The following OTUD7B variants were observed in gnomAD, a reference collection of about 807,000 sequenced individuals.
The protein encoded by OTUD7B is OTU domain-containing protein 7B.
A neutral mutation model predicts 82.2 loss-of-function variants in OTUD7B; 34 were observed. The observed-to-expected ratio is 0.41, with a 90% confidence interval of 0.31 to 0.55. The LOEUF (loss-of-function observed/expected upper bound fraction) is 0.55, where lower values mean the gene tolerates loss of function less well. Ranked by LOEUF, OTUD7B falls within the 20% of genes least tolerant of loss-of-function variation. The pLI is 0.20. For missense variants in OTUD7B, 944 were observed against 1,062.1 expected (o/e 0.89, Z 1.55); for synonymous variants, 398 against 402.7 (o/e 0.99, Z 0.14).
the OTUD7B span, among the ~76,000 whole-genome samples, chr1:150,029,650 T>G: frequency 6.6e-6 from 1 of 152,116 alleles, no homozygotes; most frequent in African/African-American, 2.4e-5. Context: ...GAGTCCACAG[T>G]CTCCAGGACA....
intron 7 of OTUD7B, among the ~76,000 whole-genome samples, chr1:149,953,015 G>C (rs1229171256): frequency 6.6e-6 from 1 of 152,094 alleles, no homozygotes; most frequent in Admixed American, 6.5e-5. Context: ...CACTCTGATG[G>C]TGGTTTCTTT....
the OTUD7B span, among the ~76,000 whole-genome samples, chr1:150,063,666 C>A: frequency 6.6e-6 from 1 of 152,146 alleles, no homozygotes; most frequent in Admixed American, 6.6e-5. Flanking sequence ...TGGCTATTAT[C>A]AATTTACCTA....
intron 1 of OTUD7B, among the ~76,000 whole-genome samples, chr1:150,010,086 C>T (rs1036761703): frequency 1.3e-5 from 2 of 152,104 alleles, no homozygotes; most frequent in Non-Finnish European, 2.9e-5. Flanking sequence ...TGAACTTTAT[C>T]CTACTGTGGG....
chr1:150,045,515 A>G, the OTUD7B span, among the ~76,000 whole-genome samples: 1 of 152,224 alleles, frequency 6.6e-6, no homozygotes, highest in Non-Finnish European at 1.5e-5. Flanking sequence ...CAACAGACAC[A>G]TATCAGAGTT....
At position 149,977,557 on chromosome 1, in the gene OTUD7B, A is replaced by C; in HGVS notation, c.-47T>G. The stretch of plus-strand genomic sequence containing the variant: ...CCAGCTGGATGTAGGTAGAACATAG[A>C]TCAAAATTCAGGCCTCCACCTGAGG... On this transcript the variant is annotated 5_prime_UTR_variant, in exon 2 of 12. Coordinates refer to ENST00000581312, the MANE Select transcript of OTUD7B (RefSeq NM_020205.4). 2 of 1,432,384 alleles carry C rather than the reference A, an allele frequency of 1.4e-6. No homozygotes were observed. The highest frequency in any genetic ancestry group is 4.5e-5 in the East Asian group (2 of 44,060). 88.7% of individuals were successfully genotyped at this position (1,432,384 alleles called of 1,614,324 possible).
At chr1:150,055,703 A>G in the OTUD7B span, among the ~76,000 whole-genome samples, 1 of 152,252 alleles carries the variant, frequency 6.6e-6, no homozygotes, top group Admixed American at 6.5e-5. Flanking sequence ...CTATGCAGCC[A>G]TAAAAAAGAA....
At chr1:150,003,470 C>T (rs1652442571) in intron 1 of OTUD7B, among the ~76,000 whole-genome samples, 2 of 152,094 alleles carry the variant, frequency 1.3e-5, no homozygotes, top group Admixed American at 6.5e-5. Context: ...CAAGACTCAG[C>T]TCAAATGCTA....
At chr1:149,986,919 T>G (rs1462605801) in intron 1 of OTUD7B, among the ~76,000 whole-genome samples, 1 of 152,212 alleles carries the variant, frequency 6.6e-6, no homozygotes, top group East Asian at 1.9e-4. Flanking sequence ...TATTTTTTCT[T>G]TTTTCTTTTA....
chr1:150,045,441 T>C, the OTUD7B span, among the ~76,000 whole-genome samples: 1 of 151,948 alleles, frequency 6.6e-6, no homozygotes, highest in African/African-American at 2.4e-5. Context: ...GCCTCATGCA[T>C]GCTAAGCGTG....
chr1:150,022,396 C>CTCA, the OTUD7B span, among the ~76,000 whole-genome samples: 1 of 6,062 alleles, frequency 1.6e-4, no homozygotes, highest in African/African-American at 2.9e-4. Flanking sequence ...AAACTCTCTA[C>CTCA]AAAAAAAAAA....
chr1:149,951,283 T>C (rs1332171538), intron 7 of OTUD7B, among the ~76,000 whole-genome samples: 1 of 152,046 alleles, frequency 6.6e-6, no homozygotes, highest in Non-Finnish European at 1.5e-5. Flanking sequence ...TTTTTAAATT[T>C]TTAGTAGAGA....
rs34962941 is a variant in OTUD7B, at chr1:149,986,237, TCACACA to T, written c.-66-8667_-66-8662del. Reference sequence around the variant, plus strand: ...TGAAGTATATTTGTATGGTACCCCATCACACACACACACACACACACACACACACAC... The same window carrying T: ...TGAAGTATATTTGTATGGTACCCCATCACACACACACACACACACACACAC... On this transcript the variant is annotated intron_variant, in intron 1 of 11. Coordinates refer to ENST00000581312, the MANE Select transcript of OTUD7B (RefSeq NM_020205.4). 1.9e-4 allele frequency among the ~76,000 whole-genome samples: 26 copies of T among 136,584 alleles called. No individual in the cohort carries two copies. In the South Asian group the frequency reaches 1.9e-3, roughly 10 times the overall value. The allele number at this position is 136,584 out of a possible 152,430, so 89.6% of individuals were successfully genotyped here.
the OTUD7B span, among the ~76,000 whole-genome samples, chr1:150,055,285 G>A: frequency 6.6e-6 from 1 of 151,988 alleles, no homozygotes; most frequent in Admixed American, 6.6e-5. Flanking sequence ...TGATCCACCC[G>A]CCTGGGTCTC....
chr1:150,011,803 G>C (rs1255495085), upstream of OTUD7B, among the ~76,000 whole-genome samples: 1 of 152,150 alleles, frequency 6.6e-6, no homozygotes, highest in African/African-American at 2.4e-5. Context: ...TGCCCATTAT[G>C]CCTATGTAAA....
intron 1 of OTUD7B, among the ~76,000 whole-genome samples, chr1:150,004,393 C>T (rs1652517115): frequency 6.6e-6 from 1 of 151,878 alleles, no homozygotes; most frequent in Non-Finnish European, 1.5e-5. Flanking sequence ...AATCCTGTCT[C>T]TACTAAAAAT....
chr1:149,964,250 C>T lies in OTUD7B; in HGVS notation c.704G>A (p.Arg235Lys), dbSNP rs782583996. Residue 235 changes from arginine (R) to lysine (K), a missense_variant, in exon 6 of 12, where the codon AGG (arginine) becomes AAG (lysine). By Grantham distance (26) the Arg-to-Lys change is conservative. Transcript: ENST00000581312. ...TTTATTCTGCTGTGTCTGCTGCCAC[C>T]TCCAGCGCCTTTTCAACGCTTCCTT... is the stretch of plus-strand genomic sequence containing the variant. Reference protein sequence around the residue: ...VEKEALKRRWRWQQTQQNKES... With the variant: ...VEKEALKRRWKWQQTQQNKES... 6.2e-7 allele frequency: 1 copy of T among 1,613,740 alleles called. No homozygotes were observed.
rs1348714386 is a variant in OTUD7B, at chr1:149,943,476, AC to A, written c.*380del. 1 of 191,752 alleles carries A rather than the reference AC, an allele frequency of 5.2e-6. No individual in the cohort carries two copies. Among genetic ancestry groups the A allele is most frequent in the Non-Finnish European group, 1.1e-5 (1 of 94,552 alleles). 11.9% of individuals were successfully genotyped at this position (191,752 alleles called of 1,614,324 possible). A position where few individuals can be genotyped will look rare whatever the true frequency, so the allele number is the denominator to read the frequency against. On this transcript the variant is annotated 3_prime_UTR_variant, in exon 12 of 12. Coordinates refer to ENST00000581312, the MANE Select transcript of OTUD7B (RefSeq NM_020205.4). ...AGAACTTTGGTTTTATTGACTGAGA[AC>A]CTCCTTTGCCCATTCCTCCCCAAGA...
intron 2 of OTUD7B, among the ~76,000 whole-genome samples, chr1:149,976,605 C>A: frequency 1.2e-4 from 2 of 16,900 alleles, no homozygotes. Context: ...CAGCAAAACT[C>A]CGTCTACAAA....
chr1:150,002,935 C>G (rs782357150), intron 1 of OTUD7B, among the ~76,000 whole-genome samples: 129 of 152,266 alleles, frequency 8.5e-4, no homozygotes, highest in Non-Finnish European at 1.6e-3. Flanking sequence ...TATTAAATGG[C>G]TCCTGATATA....
Sources: gnomAD v4.1 joint callset for allele counts (sites outside exome capture counted in the v4.1 genomes callset) on GRCh38, gnomAD v4.1.1 for gene constraint, MANE v1.5 for transcripts, NCBI Gene and HGNC (gene_info 2026-07-23, HGNC 2026-07-21) for gene names.